The following FRMPD1 variants were observed in gnomAD, a reference collection of about 807,000 sequenced individuals.
The protein encoded by FRMPD1 is FERM and PDZ domain-containing protein 1.
In FRMPD1, 76 loss-of-function variants were observed where a neutral mutation model predicts 117.8. The ratio of observed to expected loss-of-function variants is 0.65; its 90% CI spans 0.54 to 0.78. The LOEUF is 0.78. FRMPD1 is among the 30% of genes least tolerant of loss of function. FRMPD1 has a pLI of 0.00. For synonymous variants in FRMPD1, 783 were observed against 770.4 expected (o/e 1.02, Z -0.27); for missense variants, 1,786 against 1,964.5 (o/e 0.91, Z 1.72).
Position 37,744,739 on chromosome 9 carries a change from G to A in FRMPD1, c.2707G>A (p.Gly903Arg). ...EPGLLETKAL[G>R]LLAPLRETKS... ...TGGCCTTCTGGAGACCAAGGCCTTG[G>A]GGCTGCTGGCTCCTCTGAGGGAGAC... Residue 903 changes from glycine to arginine, a missense_variant, in exon 16 of 16, where the codon GGG becomes AGG. Gly to Arg is a moderately radical substitution (Grantham distance 125, BLOSUM62 -2). Transcript: ENST00000377765. 6.2e-7 allele frequency: 1 copy of A among 1,613,982 alleles called. No individual in the cohort carries two copies.
At chr9:37,650,674 C>T (rs1225972230), upstream of FRMPD1, among the ~76,000 whole-genome samples, 4 of 152,172 alleles carry the variant, frequency 2.6e-5, no homozygotes. Flanking sequence ...CCTCTCCCAG[C>T]CTCAGTCTCC....
chr9:37,721,617 T>C (rs1001123539), intron 6 of FRMPD1, among the ~76,000 whole-genome samples: 1 of 152,194 alleles, frequency 6.6e-6, no homozygotes, highest in Non-Finnish European at 1.5e-5. Flanking sequence ...TAATGACTGC[T>C]ATAAAAAATG....
At chr9:37,663,053 A>C (rs1821047810) in intron 1 of FRMPD1, among the ~76,000 whole-genome samples, 1 of 152,168 alleles carries the variant, frequency 6.6e-6, no homozygotes, top group African/African-American at 2.4e-5. Flanking sequence ...TAGTCTGCCC[A>C]ATTTAATTTG....
chr9:37,721,139 G>T (rs1823382070), intron 6 of FRMPD1, among the ~76,000 whole-genome samples: 1 of 152,200 alleles, frequency 6.6e-6, no homozygotes, highest in Admixed American at 6.5e-5. Context: ...TTTGGTTGGG[G>T]AGTTTAAAGG....
the FRMPD1 span, among the ~76,000 whole-genome samples, chr9:37,608,054 G>T: frequency 6.4e-4 from 97 of 152,292 alleles, no homozygotes; most frequent in African/African-American, 2.1e-3. Flanking sequence ...GCTATTGAAG[G>T]CGAGACGGGG....
At chr9:37,716,405 T>G (rs1176926545) in intron 5 of FRMPD1, among the ~76,000 whole-genome samples, 1 of 152,206 alleles carries the variant, frequency 6.6e-6, no homozygotes, top group African/African-American at 2.4e-5. Context: ...AGTCAGGGAA[T>G]TGTGGGGCTG....
chr9:37,662,607 A>G (rs748562825), intron 1 of FRMPD1, among the ~76,000 whole-genome samples: 6 of 152,196 alleles, frequency 3.9e-5, no homozygotes, highest in African/African-American at 7.2e-5. Flanking sequence ...GGGAGGAGCT[A>G]TCTAGAAATG....
intron 1 of FRMPD1, among the ~76,000 whole-genome samples, chr9:37,665,036 C>T (rs574812298): frequency 1.4e-4 from 22 of 152,204 alleles, no homozygotes; most frequent in African/African-American, 4.8e-4. Flanking sequence ...CGAAAATAAA[C>T]CAAATATCCA....
intron 4 of FRMPD1, among the ~76,000 whole-genome samples, chr9:37,708,927 G>A (rs1334879200): frequency 2.0e-5 from 3 of 152,090 alleles, no homozygotes; most frequent in Non-Finnish European, 2.9e-5. Context: ...AAATATAATT[G>A]CAGGTGCATC....
At chr9:37,653,057 A>G (rs953454115) in intron 1 of FRMPD1, among the ~76,000 whole-genome samples, 2 of 152,216 alleles carry the variant, frequency 1.3e-5, no homozygotes, top group African/African-American at 2.4e-5. Flanking sequence ...AGATGAGAGC[A>G]GTGAGCCTGG....
At chr9:37,621,713 C>T in the FRMPD1 span, among the ~76,000 whole-genome samples, 4 of 152,284 alleles carry the variant, frequency 2.6e-5, no homozygotes, top group African/African-American at 9.6e-5. Flanking sequence ...GCAAAGAATG[C>T]TTCAGGGAGC....
At chr9:37,678,000 G>A (rs67248736) in intron 1 of FRMPD1, among the ~76,000 whole-genome samples, 34,494 of 151,980 alleles carry the variant, frequency 0.23, 4,037 homozygotes, top group Middle Eastern at 0.28. Flanking sequence ...TCTTGAATCT[G>A]TGGATATTAG....
intron 1 of FRMPD1, among the ~76,000 whole-genome samples, chr9:37,660,220 G>A (rs922862200): frequency 6.6e-6 from 1 of 152,176 alleles, no homozygotes; most frequent in Admixed American, 6.5e-5. Flanking sequence ...CCCACCTGCG[G>A]CTGGAAGTAA....
Position 37,708,261 on chromosome 9 carries a change from C to T in FRMPD1, c.260-138C>T, listed in dbSNP as rs1822783158. The T allele has an allele frequency of 4.7e-6, 3 of 638,804 alleles. No homozygotes were observed. The East Asian group carries it at 7.7e-5, about 16-fold the overall frequency. 39.6% of individuals were successfully genotyped at this position (638,804 alleles called of 1,614,324 possible). ...CAGGAAAATTAAGATCCACATGAGCCCAAGCCTGACTGAAGGCGGGGGAGT... is the reference window on the plus strand; with the variant it reads ...CAGGAAAATTAAGATCCACATGAGCTCAAGCCTGACTGAAGGCGGGGGAGT... On this transcript the variant is annotated intron_variant, in intron 3 of 15. Transcript: ENST00000377765.
chr9:37,717,306 T>A (rs1428889233), intron 5 of FRMPD1, among the ~76,000 whole-genome samples: 1 of 150,120 alleles, frequency 6.7e-6, no homozygotes, highest in Non-Finnish European at 1.5e-5. Flanking sequence ...AAAAAAAATA[T>A]ATATATATGT....
chr9:37,730,564 A>G (rs894615041), intron 8 of FRMPD1, among the ~76,000 whole-genome samples: 3 of 152,254 alleles, frequency 2.0e-5, no homozygotes, highest in African/African-American at 7.2e-5. Context: ...TGCATTGGGA[A>G]AGAAAATCAC....
At chr9:37,657,757 A>G (rs1365115715) in intron 1 of FRMPD1, among the ~76,000 whole-genome samples, 3 of 152,094 alleles carry the variant, frequency 2.0e-5, no homozygotes, top group Admixed American at 2.0e-4. Flanking sequence ...ATTCACACAT[A>G]TGTTTCCAGA....
intron 5 of FRMPD1, among the ~76,000 whole-genome samples, chr9:37,717,369 G>GTGTGTGTGTATATATA (rs1407798527): frequency 9.6e-5 from 9 of 94,132 alleles, no homozygotes; most frequent in Admixed American, 2.1e-4. Context: ...GTGTGTGTGT[G>GTGTGTGTGTATATATA]TATATATATA....
chr9:37,618,533 A>G, the FRMPD1 span, among the ~76,000 whole-genome samples: 1 of 152,196 alleles, frequency 6.6e-6, no homozygotes, highest in African/African-American at 2.4e-5. Context: ...TGCTTCCCCA[A>G]AATGAGAAGC....
Sources: gnomAD v4.1 joint callset for allele counts (sites outside exome capture counted in the v4.1 genomes callset) on GRCh38, gnomAD v4.1.1 for gene constraint, MANE v1.5 for transcripts, NCBI Gene and HGNC (gene_info 2026-07-23, HGNC 2026-07-21) for gene names.